HIVEP2: variants seen among roughly 807,000 people sequenced by gnomAD.
The protein encoded by HIVEP2 is HIVEP zinc finger 2, also known as transcription factor HIVEP2.
Under a neutral mutation model 180.7 loss-of-function variants are expected in HIVEP2, and 14 were observed. The observed-to-expected ratio is 0.08, with a 90% CI of 0.05 to 0.12. The LOEUF (loss-of-function observed/expected upper bound fraction) is 0.12, where lower values mean the gene tolerates loss of function less well. HIVEP2 is among the 10% of genes least tolerant of loss of function. The probability of loss-of-function intolerance (pLI) is 1.00; values close to 1 mark genes in which losing one functional copy is unlikely to be tolerated. For missense variants in HIVEP2, 2,579 were observed against 3,008.5 expected (o/e 0.86, Z 3.34); for synonymous variants, 1,184 against 1,136.4 (o/e 1.04, Z -0.84).
rs140444188 is a variant in HIVEP2 at position 142,894,493 on chromosome 6, T to G, written c.-641+50606A>C. 2.3e-3 allele frequency among the ~76,000 whole-genome samples: 352 copies of G among 152,284 alleles called. 2 individuals carry two copies. The Middle Eastern group carries it at 0.024, about 10-fold the overall frequency. ...CACTTAAAAGTAGATGATCCATAAATTAAACTGAATAAAGCTCAAGACAAC... is the reference window on the plus strand; with the variant it reads ...CACTTAAAAGTAGATGATCCATAAAGTAAACTGAATAAAGCTCAAGACAAC... On this transcript the variant is annotated intron_variant, in intron 1 of 9. Coordinates refer to ENST00000367603, the MANE Select transcript of HIVEP2 (RefSeq NM_006734.4).
At chr6:142,777,908 C>T (rs1433062172) in intron 3 of HIVEP2, among the ~76,000 whole-genome samples, 11 of 152,156 alleles carry the variant, frequency 7.2e-5, no homozygotes, top group Non-Finnish European at 1.2e-4. Context: ...GGGCAATTTT[C>T]TCCCTAACAT....
intron 2 of HIVEP2, among the ~76,000 whole-genome samples, chr6:142,821,417 A>T (rs1777035737): frequency 6.6e-6 from 1 of 152,234 alleles, no homozygotes; most frequent in Non-Finnish European, 1.5e-5. Flanking sequence ...CAGATCATGG[A>T]CCATGGAGCC....
intron 1 of HIVEP2, among the ~76,000 whole-genome samples, chr6:142,896,278 T>C (rs1776991007): frequency 1.3e-5 from 2 of 152,200 alleles, no homozygotes; most frequent in Non-Finnish European, 2.9e-5. Context: ...CAGTTCACCA[T>C]CTTCCTCCTC....
Position 142,900,380 on chromosome 6 carries a change from C to T in HIVEP2, c.-641+44719G>A, listed in dbSNP as rs188204549. 2.6e-5 allele frequency among the ~76,000 whole-genome samples: 4 copies of T among 152,248 alleles called. No individual in the cohort carries two copies. In the East Asian group the frequency reaches 7.7e-4, roughly 29 times the overall value. On this transcript the variant is annotated intron_variant, in intron 1 of 9. Coordinates refer to ENST00000367603, the MANE Select transcript of HIVEP2 (RefSeq NM_006734.4). ...CTGTAGGCAGGAATACCCACTTCAC[C>T]AATCACTCCACGCCACCTCACCACC...
chr6:142,899,565 C>T (rs1777081390), intron 1 of HIVEP2, among the ~76,000 whole-genome samples: 1 of 152,210 alleles, frequency 6.6e-6, no homozygotes, highest in Admixed American at 6.5e-5. Context: ...TGTATGTGTA[C>T]ACATAATCTT....
At chr6:142,876,389 G>A (rs994755455) in intron 1 of HIVEP2, among the ~76,000 whole-genome samples, 3 of 152,114 alleles carry the variant, frequency 2.0e-5, no homozygotes, top group Admixed American at 6.5e-5. Context: ...AAGACCCTCT[G>A]AAGAACTTTG....
intron 2 of HIVEP2, among the ~76,000 whole-genome samples, chr6:142,824,664 C>A (rs1774817593): frequency 6.6e-6 from 1 of 152,204 alleles, no homozygotes; most frequent in Non-Finnish European, 1.5e-5. Flanking sequence ...AAGTTTATGC[C>A]TAATACCTCG....
Position 142,771,379 on chromosome 6 carries a change from G to A in HIVEP2, c.3360C>T (p.His1120=). 1 of 1,612,982 alleles carries A rather than the reference G, an allele frequency of 6.2e-7. No individual in the cohort carries two copies. Among genetic ancestry groups the A allele is most frequent in the Non-Finnish European group, 8.5e-7 (1 of 1,179,958 alleles). Reference sequence around the variant, plus strand: ...GAGGCAGCACAGCAGGCGGGCCATGGTGCCACCCGGACCGGAGGCCAGCAT... The same window carrying A: ...GAGGCAGCACAGCAGGCGGGCCATGATGCCACCCGGACCGGAGGCCAGCAT... ...HLHAGLRSGW[H]HGPPAVLPPL... is the part of the protein sequence containing the mutation. Residue 1120 remains histidine (H), a synonymous_variant, in exon 5 of 10, where the codon CAC becomes CAT. Transcript: ENST00000367603. The surrounding 1 kb of genome is among the most constrained non-coding windows in gnomAD (Gnocchi z 5.4).
intron 1 of HIVEP2, among the ~76,000 whole-genome samples, chr6:142,869,634 A>T (rs1351799330): frequency 1.3e-5 from 2 of 152,136 alleles, no homozygotes; most frequent in African/African-American, 4.8e-5. Context: ...CCAACTTTTA[A>T]AGCTATTTAT....
chr6:142,770,955 C>T lies in HIVEP2; in HGVS notation c.3784G>A (p.Glu1262Lys), dbSNP rs777009595. ...HSSYPLEHVAEHTGKKPAEYA... is the reference protein window; with the variant it reads ...HSSYPLEHVAKHTGKKPAEYA... ...TCAGCAGGTTTCTTTCCAGTGTGCT[C>T]TGCCACATGCTCTAAGGGATAGCTC... Residue 1262 changes from glutamate to lysine, a missense_variant, in exon 5 of 10, where the codon GAG (glutamate) becomes AAG (lysine). Glu to Lys is a moderately conservative substitution (Grantham distance 56). Coordinates refer to ENST00000367603, the MANE Select transcript of HIVEP2 (RefSeq NM_006734.4). The surrounding 1 kb of genome is among the most constrained non-coding windows in gnomAD (Gnocchi z 4.7). 46 of 1,614,048 alleles carry T rather than the reference C, an allele frequency of 2.8e-5. No homozygotes were observed. In the Middle Eastern group the frequency reaches 4.9e-4, roughly 17 times the overall value.
At chr6:142,830,771 T>C (rs922822225) in intron 2 of HIVEP2, among the ~76,000 whole-genome samples, 8 of 152,286 alleles carry the variant, frequency 5.3e-5, no homozygotes, top group Admixed American at 2.6e-4. Context: ...ATGTTTTCTA[T>C]TAAAAGTGAT....
intron 6 of HIVEP2, among the ~76,000 whole-genome samples, chr6:142,767,694 C>T (rs567366929): frequency 2.2e-4 from 33 of 152,170 alleles, no homozygotes; most frequent in Admixed American, 5.9e-4. Context: ...AAATCTAAAA[C>T]AAGACATTAC....
rs1231560357 is a variant in HIVEP2, at chr6:142,771,973, C to T, written c.2766G>A (p.Gln922=). The T allele has an allele frequency of 6.2e-7, 1 of 1,614,062 alleles. No individual in the cohort carries two copies. Among genetic ancestry groups the T allele is most frequent in the African/African-American group, 1.3e-5 (1 of 74,914 alleles). The change falls in exon 5 of 10, where the codon CAG becomes CAA. Residue 922 remains glutamine (Q), a synonymous_variant. Transcript: ENST00000367603. The surrounding 1 kb of genome is among the most constrained non-coding windows in gnomAD (Gnocchi z 5.4). Reference sequence around the variant, plus strand: ...GGAGCTGGGAAAGGGTCTCACTTCTCTGGGGCCACTGAAATTCTTCCACAG... The same window carrying T: ...GGAGCTGGGAAAGGGTCTCACTTCTTTGGGGCCACTGAAATTCTTCCACAG... ...EKPVEEFQWP[Q]RSETLSQLPA...
Position 142,772,492 on chromosome 6 carries a change from G to T in HIVEP2, c.2247C>A (p.Asn749Lys). ...AGCGTTCCGTGTGACCATGAGAAAG[G>T]TTTTCGTGTCCAGCCATGGCAAATC... Reference protein sequence around the residue: ...RSGFAMAGHENLSHGHTERFD... With the variant: ...RSGFAMAGHEKLSHGHTERFD... The change falls in exon 5 of 10, where the codon AAC (asparagine) becomes AAA (lysine). Residue 749 changes from asparagine (N) to lysine (K), a missense_variant. By Grantham distance (94) the Asn-to-Lys change is moderately conservative. Transcript: ENST00000367603. The surrounding 1 kb of genome is among the most constrained non-coding windows in gnomAD (Gnocchi z 4.9). 2.5e-6 allele frequency: 4 copies of T among 1,614,086 alleles called. No individual in the cohort carries two copies. Among genetic ancestry groups the T allele is most frequent in the Admixed American group, 1.7e-5 (1 of 60,032 alleles).
intron 1 of HIVEP2, among the ~76,000 whole-genome samples, chr6:142,916,079 C>T (rs1250306190): frequency 6.6e-6 from 1 of 152,144 alleles, no homozygotes; most frequent in Non-Finnish European, 1.5e-5. Flanking sequence ...ATCTATTTCT[C>T]CTCCTGGAAA....
intron 1 of HIVEP2, among the ~76,000 whole-genome samples, chr6:142,882,648 AAAAG>A (rs1305998311): frequency 6.6e-6 from 1 of 151,774 alleles, no homozygotes; most frequent in Admixed American, 6.6e-5. Flanking sequence ...GAGGGGAGGG[AAAAG>A]AAAGAAAGAA....
intron 1 of HIVEP2, among the ~76,000 whole-genome samples, chr6:142,940,771 G>C (rs944516158): frequency 1.3e-5 from 2 of 152,188 alleles, no homozygotes; most frequent in East Asian, 3.8e-4. Flanking sequence ...GGCACCAGTC[G>C]TAGTACTCTG....
At chr6:142,890,193 A>G (rs1265970946) in intron 1 of HIVEP2, among the ~76,000 whole-genome samples, 1 of 152,190 alleles carries the variant, frequency 6.6e-6, no homozygotes, top group Non-Finnish European at 1.5e-5. Context: ...TAGCTCTAAC[A>G]CTAGTAGAAG....
At chr6:142,764,035 T>C (rs75477109) in intron 7 of HIVEP2, among the ~76,000 whole-genome samples, 6,094 of 152,254 alleles carry the variant, frequency 0.04, 403 homozygotes, top group African/African-American at 0.14. Context: ...TAGTATCCAC[T>C]AAACCTAAGG....
Sources: allele counts gnomAD v4.1 joint callset (sites outside exome capture counted in the v4.1 genomes callset), GRCh38; gene constraint gnomAD v4.1.1; non-coding constraint Gnocchi (gnomAD v3.1); transcripts MANE v1.5; gene names NCBI Gene and HGNC (gene_info 2026-07-23, HGNC 2026-07-21).